DDAH1: variants seen among roughly 807,000 people sequenced by gnomAD.
DDAH1 encodes the protein dimethylarginine dimethylaminohydrolase 1.
Under a neutral mutation model 28.8 loss-of-function variants are expected in DDAH1, and 19 were observed. The ratio of observed to expected loss-of-function variants is 0.66; its 90% CI spans 0.46 to 0.97. The LOEUF (loss-of-function observed/expected upper bound fraction) is 0.97, where lower values mean the gene tolerates loss of function less well. DDAH1 is among the 50% of genes least tolerant of loss of function. The pLI, the probability that DDAH1 is intolerant of heterozygous loss-of-function variation, is 0.00. For synonymous variants in DDAH1, 153 were observed against 154.4 expected (o/e 0.99, Z 0.07); for missense variants, 326 against 375.9 (o/e 0.87, Z 1.10).
intron 1 of DDAH1, among the ~76,000 whole-genome samples, chr1:85,437,294 G>C (rs546477410): frequency 9.5e-4 from 145 of 152,236 alleles, no homozygotes; most frequent in South Asian, 4.2e-4. Context: ...AGTTATCCGA[G>C]TCTTCCCAGT....
chr1:85,407,499 AAC>A (rs1652460259), intron 1 of DDAH1, among the ~76,000 whole-genome samples: 1 of 152,242 alleles, frequency 6.6e-6, no homozygotes. Flanking sequence ...GGCATCTGGA[AAC>A]ACACTTGAAT....
At chr1:85,364,760 T>G (rs1234170511) in intron 1 of DDAH1, among the ~76,000 whole-genome samples, 1 of 152,124 alleles carries the variant, frequency 6.6e-6, no homozygotes, top group Non-Finnish European at 1.5e-5. Flanking sequence ...GCCAGGCTGG[T>G]CTCGAACTCC....
chr1:85,361,768 TG>T (rs1422195481), intron 1 of DDAH1, among the ~76,000 whole-genome samples: 10 of 152,188 alleles, frequency 6.6e-5, no homozygotes. Context: ...TCACAGCTGC[TG>T]CAGATCACCT....
chr1:85,492,416 T>C (rs982442228), intron 2 of DDAH1, among the ~76,000 whole-genome samples: 4 of 152,206 alleles, frequency 2.6e-5, no homozygotes, highest in Admixed American at 1.3e-4. Flanking sequence ...CAGAATCTCA[T>C]ATAAATGTGA....
chr1:85,565,887 G>A (rs1366221262), intron 1 of DDAH1, among the ~76,000 whole-genome samples: 1 of 151,960 alleles, frequency 6.6e-6, no homozygotes, highest in Non-Finnish European at 1.5e-5. Flanking sequence ...TCGAGACCAG[G>A]CTGGCCAACA....
Position 85,464,656 on chromosome 1 carries a change from T to C in DDAH1, c.303+87A>G. On this transcript the variant is annotated intron_variant, in intron 1 of 5. Transcript: ENST00000284031. This position sits in a 1 kb window ranked among gnomAD's most constrained non-coding sequence, Gnocchi z 4.4. ...TGTGAACTACTAGCCCGAGGGCCAATGGCGCGACTCCCCAGGCAACACGGC... is the reference window on the plus strand; with the variant it reads ...TGTGAACTACTAGCCCGAGGGCCAACGGCGCGACTCCCCAGGCAACACGGC... 1 of 1,465,270 alleles carries C rather than the reference T, an allele frequency of 6.8e-7. No homozygotes were observed. The highest frequency in any genetic ancestry group is 9.0e-7 in the Non-Finnish European group (1 of 1,110,532). The allele number at this position is 1,465,270 out of a possible 1,614,324, so 90.8% of individuals were successfully genotyped here. A position where few individuals can be genotyped will look rare whatever the true frequency, so the allele number is the denominator to read the frequency against.
chr1:85,513,927 T>C (rs1357675661), intron 1 of DDAH1, among the ~76,000 whole-genome samples: 5 of 152,160 alleles, frequency 3.3e-5, no homozygotes, highest in Non-Finnish European at 5.9e-5. Context: ...AGTCCAACCA[T>C]TGTGGAAGAC....
At chr1:85,360,504 T>C (rs1649728452) in intron 1 of DDAH1, among the ~76,000 whole-genome samples, 1 of 152,200 alleles carries the variant, frequency 6.6e-6, no homozygotes, top group African/African-American at 2.4e-5. Context: ...CCTTTTGACA[T>C]CTCTGCTTCT....
At chr1:85,499,061 C>T (rs1280352706) in intron 1 of DDAH1, among the ~76,000 whole-genome samples, 1 of 151,670 alleles carries the variant, frequency 6.6e-6, no homozygotes, top group Non-Finnish European at 1.5e-5. Flanking sequence ...TAGCTGTAAC[C>T]TCAACATCGA....
chr1:85,512,997 C>G (rs1410173207), intron 1 of DDAH1, among the ~76,000 whole-genome samples: 1 of 152,164 alleles, frequency 6.6e-6, no homozygotes, highest in Non-Finnish European at 1.5e-5. Flanking sequence ...TTGGAAAAAT[C>G]TAATTTAAAG....
intron 1 of DDAH1, among the ~76,000 whole-genome samples, chr1:85,528,526 CTG>C (rs1186718045): frequency 2.7e-5 from 4 of 150,844 alleles, no homozygotes; most frequent in South Asian, 4.2e-4. Context: ...GTTATGATAA[CTG>C]TTGTTATATT....
intron 2 of DDAH1, among the ~76,000 whole-genome samples, chr1:85,470,863 T>C (rs1230870621): frequency 2.0e-5 from 3 of 152,174 alleles, no homozygotes; most frequent in African/African-American, 7.2e-5. Flanking sequence ...TTACTAAGCA[T>C]CTACAGTATG....
chr1:85,535,036 A>C (rs1407652551), intron 1 of DDAH1, among the ~76,000 whole-genome samples: 2 of 152,090 alleles, frequency 1.3e-5, no homozygotes, highest in African/African-American at 2.4e-5. Context: ...TTCCCGTGGA[A>C]ATGAGATGAA....
At chr1:85,380,055 T>G (rs143170263) in intron 1 of DDAH1, among the ~76,000 whole-genome samples, 12 of 152,338 alleles carry the variant, frequency 7.9e-5, no homozygotes, top group African/African-American at 2.9e-4. Flanking sequence ...TACCTAACAT[T>G]GTCTGTTACA....
chr1:85,514,663 T>C (rs1657402545), intron 1 of DDAH1, among the ~76,000 whole-genome samples: 1 of 151,244 alleles, frequency 6.6e-6, no homozygotes, highest in Non-Finnish European at 1.5e-5. Flanking sequence ...CTTTTTTGGG[T>C]ATTACTATGG....
intron 1 of DDAH1, among the ~76,000 whole-genome samples, chr1:85,375,897 A>G (rs1650640142): frequency 6.6e-6 from 1 of 152,192 alleles, no homozygotes; most frequent in African/African-American, 2.4e-5. Context: ...AAAAAAGGGA[A>G]GAAAAAACAT....
rs1557739395 is a variant in DDAH1 at position 85,537,568 on chromosome 1, A to AGACG, written c.-123+40415_-123+40416insCGTC. Among the ~76,000 whole-genome samples, 3 of 282 alleles carry AGACG rather than the reference A, an allele frequency of 0.011. No homozygotes were observed. The South Asian group carries it at 0.5, about 47-fold the overall frequency. The allele number at this position is 282 out of a possible 152,430, so 0.2% of individuals were successfully genotyped here. A position where few individuals can be genotyped will look rare whatever the true frequency, so the allele number is the denominator to read the frequency against. On this transcript the variant is annotated intron_variant, in intron 1 of 6. Transcript: ENST00000426972. ...GGTCAACAGTCACAAAATTACAATTAGGAAGAATAAGTTCTGGTGTTCTAT... is the reference window on the plus strand; with the variant it reads ...GGTCAACAGTCACAAAATTACAATTAGACGGGAAGAATAAGTTCTGGTGTTCTAT...
At chr1:85,574,048 T>A (rs1025607916) in intron 1 of DDAH1, among the ~76,000 whole-genome samples, 1 of 152,364 alleles carries the variant, frequency 6.6e-6, no homozygotes, top group Non-Finnish European at 1.5e-5. Context: ...GCCAACATTT[T>A]AAAATTTTGA....
At position 85,423,784 on chromosome 1, in the gene DDAH1, T is replaced by C. The variant is rs189900562; in HGVS notation, c.303+40959A>G. 2.4e-4 allele frequency among the ~76,000 whole-genome samples: 37 copies of C among 152,276 alleles called. No individual in the cohort carries two copies. The East Asian group carries it at 6.7e-3, about 28-fold the overall frequency. On this transcript the variant is annotated intron_variant, in intron 1 of 5. Transcript: ENST00000284031. ...TCAGCCTGTGCTCCTTTTATTTACTTTTCTTTTCTTATTACACTAGCTAGG... is the reference window on the plus strand; with the variant it reads ...TCAGCCTGTGCTCCTTTTATTTACTCTTCTTTTCTTATTACACTAGCTAGG...
Sources: allele counts gnomAD v4.1 joint callset (sites outside exome capture counted in the v4.1 genomes callset), GRCh38; gene constraint gnomAD v4.1.1; non-coding constraint Gnocchi (gnomAD v3.1); transcripts MANE v1.5; gene names NCBI Gene and HGNC (gene_info 2026-07-23, HGNC 2026-07-21).